The following GOLIM4 variants were observed in gnomAD, a reference collection of about 807,000 sequenced individuals.
The protein encoded by GOLIM4 is 130 kDa golgi-localized phosphoprotein.
Under a neutral mutation model 107.4 loss-of-function variants are expected in GOLIM4, and 71 were observed. The ratio of observed to expected loss-of-function variants is 0.66; its 90% confidence interval spans 0.55 to 0.81. The LOEUF is 0.81. Among genes scored for constraint, GOLIM4 ranks in the 30% least tolerant of loss-of-function variants. The pLI is 0.00. For synonymous variants in GOLIM4, 327 were observed against 294.8 expected (o/e 1.11, Z -1.12); for missense variants, 830 against 826.1 (o/e 1.00, Z -0.06).
At chr3:168,084,269 T>A (rs1304394254) in intron 1 of GOLIM4, among the ~76,000 whole-genome samples, 2 of 152,186 alleles carry the variant, frequency 1.3e-5, no homozygotes, top group Non-Finnish European at 2.9e-5. Context: ...CAGCCATGCT[T>A]CCTATATAGC....
chr3:168,067,076 T>C (rs1720588635), intron 1 of GOLIM4, among the ~76,000 whole-genome samples: 2 of 152,152 alleles, frequency 1.3e-5, no homozygotes, highest in South Asian at 4.1e-4. Flanking sequence ...AGACAGTTTT[T>C]AGTCAGTATT....
chr3:168,017,642 G>T (rs1717447349), intron 14 of GOLIM4, among the ~76,000 whole-genome samples: 1 of 152,120 alleles, frequency 6.6e-6, no homozygotes, highest in African/African-American at 2.4e-5. Context: ...CCAACCTGTG[G>T]CCTCTGTAAA....
chr3:168,091,789 C>T (rs66476341), intron 1 of GOLIM4, among the ~76,000 whole-genome samples: 31,723 of 152,070 alleles, frequency 0.21, 5,822 homozygotes, highest in African/African-American at 0.5. Flanking sequence ...CTAATCTCCA[C>T]TTTATAAATA....
intron 7 of GOLIM4, among the ~76,000 whole-genome samples, chr3:168,039,264 A>ATT (rs11426013): frequency 6.7e-4 from 92 of 137,074 alleles, no homozygotes; most frequent in Admixed American, 1.7e-3. Flanking sequence ...GAAAAAAAAA[A>ATT]TTTTTTTTTT....
intron 8 of GOLIM4, among the ~76,000 whole-genome samples, chr3:168,036,145 C>A (rs191183944): frequency 1.3e-5 from 2 of 152,182 alleles, no homozygotes; most frequent in African/African-American, 4.8e-5. Flanking sequence ...CTCACCCTAA[C>A]CCCCGCAAAA....
intron 11 of GOLIM4, among the ~76,000 whole-genome samples, chr3:168,028,065 T>C (rs1718107172): frequency 6.6e-6 from 1 of 152,156 alleles, no homozygotes; most frequent in African/African-American, 2.4e-5. Context: ...CTAAAATAAA[T>C]ATTTTTCACA....
rs1454707796 is a variant in GOLIM4, at chr3:168,039,953, C to A, written c.684+833G>T. ...AGATGCTACAGCCTCTGAGATGGGTCAGGGACAGAAAATTATACCTTTTAA... is the reference window on the plus strand; with the variant it reads ...AGATGCTACAGCCTCTGAGATGGGTAAGGGACAGAAAATTATACCTTTTAA... On this transcript the variant is annotated intron_variant, in intron 7 of 15. Coordinates refer to ENST00000470487, the MANE Select transcript of GOLIM4 (RefSeq NM_014498.5). Among the ~76,000 whole-genome samples the A allele has an allele frequency of 2.6e-5, 4 of 152,128 alleles. No individual in the cohort carries two copies. In the East Asian group the frequency reaches 7.7e-4, roughly 29 times the overall value.
chr3:168,078,711 A>G (rs1721189023), intron 1 of GOLIM4, among the ~76,000 whole-genome samples: 1 of 152,206 alleles, frequency 6.6e-6, no homozygotes, highest in Non-Finnish European at 1.5e-5. Flanking sequence ...TGATTTAACA[A>G]AAGGTAATTG....
chr3:168,060,593 G>A (rs1329186576), intron 1 of GOLIM4, among the ~76,000 whole-genome samples: 1 of 152,110 alleles, frequency 6.6e-6, no homozygotes. Flanking sequence ...AATGCAGGAA[G>A]GATAGAGAAA....
At position 168,032,613 on chromosome 3, in the gene GOLIM4, G is replaced by C. The variant is rs746880937; in HGVS notation, c.1083C>G (p.His361Gln). ...GATCCTGCTCCTCTGGTGATGGATC[G>C]TGTTCCTCCTCAAGATGTTCTGCTT... ...VGQAEHLEEE[H>Q]DPSPEEQDRE... The change falls in exon 9 of 16, where the codon CAC becomes CAG. Residue 361 changes from histidine (H) to glutamine (Q), a missense_variant. Transcript: ENST00000470487. 2 of 1,613,910 alleles carry C rather than the reference G, an allele frequency of 1.2e-6. No homozygotes were observed. Among genetic ancestry groups the C allele is most frequent in the Non-Finnish European group, 1.7e-6 (2 of 1,179,998 alleles).
rs555396000 is a variant in GOLIM4, at chr3:168,095,853, G to A, written c.-568C>T. The A allele has an allele frequency of 1.7e-4, 26 of 152,512 alleles. No individual in the cohort carries two copies. Among genetic ancestry groups the A allele is most frequent in the African/African-American group, 5.5e-4 (23 of 41,572 alleles). 9.4% of individuals were successfully genotyped at this position (152,512 alleles called of 1,614,324 possible). A position where few individuals can be genotyped will look rare whatever the true frequency, so the allele number is the denominator to read the frequency against. On this transcript the variant is annotated 5_prime_UTR_variant, in exon 1 of 16. Coordinates refer to ENST00000470487, the MANE Select transcript of GOLIM4 (RefSeq NM_014498.5). ...TTGGGGACGGCACAGCGGTGTCACT[G>A]ACGGGTCGGCTGGTGCCTCTGCCGC...
At chr3:168,089,991 C>T (rs928792152) in intron 1 of GOLIM4, among the ~76,000 whole-genome samples, 1 of 152,158 alleles carries the variant, frequency 6.6e-6, no homozygotes, top group Non-Finnish European at 1.5e-5. Flanking sequence ...TGGTCTCAAA[C>T]TCCTGATCTC....
chr3:168,080,621 A>AG (rs901458647), intron 1 of GOLIM4, among the ~76,000 whole-genome samples: 1 of 152,090 alleles, frequency 6.6e-6, no homozygotes, highest in Non-Finnish European at 1.5e-5. Context: ...GTGCTTCTAT[A>AG]GGCCAGGCCA....
intron 1 of GOLIM4, among the ~76,000 whole-genome samples, chr3:168,053,329 T>C (rs1395945924): frequency 2.0e-5 from 3 of 152,188 alleles, no homozygotes; most frequent in African/African-American, 7.2e-5. Flanking sequence ...GAGGGCAATG[T>C]TTCTTTGGCA....
chr3:168,063,119 A>C (rs866635093), intron 1 of GOLIM4, among the ~76,000 whole-genome samples: 1 of 151,850 alleles, frequency 6.6e-6, no homozygotes, highest in East Asian at 1.9e-4. Flanking sequence ...CCCACCCACC[A>C]CTGCCACCTC....
chr3:168,040,993 T>C, intron 6 of GOLIM4, 124 bp from the exon 7 acceptor site: 2 of 656,296 alleles, frequency 3.0e-6, no homozygotes, highest in Non-Finnish European at 5.4e-6. Flanking sequence ...GCAGCATGTG[T>C]TAAGTTTAAA....
intron 1 of GOLIM4, among the ~76,000 whole-genome samples, chr3:168,053,490 CT>C (rs1250335976): frequency 6.6e-6 from 1 of 152,166 alleles, no homozygotes; most frequent in Non-Finnish European, 1.5e-5. Flanking sequence ...CCTCTATCTT[CT>C]TATATATAAA....
rs1164372303 is a variant in GOLIM4 at position 168,036,978 on chromosome 3, T to C, written c.701A>G (p.Tyr234Cys). ...ATTCAGAGTATCTTTCAGTTGTTTA[T>C]ATTCTGCAACTTGAGTCTGCATATA... ...LAAAQTQVAEYKQLKDTLNRI... is the reference protein window; with the variant it reads ...LAAAQTQVAECKQLKDTLNRI... Residue 234 changes from tyrosine (Y) to cysteine (C), a missense_variant, in exon 8 of 16, where the codon TAT becomes TGT. Physicochemically the swap from Tyr to Cys is radical, Grantham distance 194. Coordinates refer to ENST00000470487, the MANE Select transcript of GOLIM4 (RefSeq NM_014498.5). The C allele has an allele frequency of 3.1e-6, 5 of 1,612,948 alleles. No homozygotes were observed. Among genetic ancestry groups the C allele is most frequent in the African/African-American group, 1.3e-5 (1 of 75,014 alleles).
At position 168,010,854 on chromosome 3, in the gene GOLIM4, C is replaced by T. The variant is rs1716970260; in HGVS notation, c.1861-31G>A. 2.1e-6 allele frequency: 3 copies of T among 1,423,282 alleles called. No individual in the cohort carries two copies. The Admixed American group carries it at 5.0e-5, about 24-fold the overall frequency. The allele number at this position is 1,423,282 out of a possible 1,614,324, so 88.2% of individuals were successfully genotyped here. On this transcript the variant is annotated intron_variant, in intron 14 of 15. Transcript: ENST00000470487. Reference sequence around the variant, plus strand: ...ACAAACCACAGATATCATTTAAACACTTTTGTCTTTCAAGCACTTGCGATA... The same window carrying T: ...ACAAACCACAGATATCATTTAAACATTTTTGTCTTTCAAGCACTTGCGATA...
Sources: allele counts gnomAD v4.1 joint callset (sites outside exome capture counted in the v4.1 genomes callset), GRCh38; gene constraint gnomAD v4.1.1; transcripts MANE v1.5; gene names NCBI Gene and HGNC (gene_info 2026-07-23, HGNC 2026-07-21).